GALNT15: variants seen among roughly 807,000 people sequenced by gnomAD.
GALNT15 encodes UDP-GalNAc transferase T15.
A neutral mutation model predicts 66.8 loss-of-function variants in GALNT15; 67 were observed. That is an observed-to-expected ratio of 1.00 (90% confidence interval 0.82 to 1.23). The LOEUF (loss-of-function observed/expected upper bound fraction) is 1.23. GALNT15 is among the 50% of genes most tolerant of loss of function. GALNT15 has a pLI of 0.00. For missense variants in GALNT15, 827 were observed against 804.3 expected (o/e 1.03, Z -0.34); for synonymous variants, 313 against 311.5 (o/e 1.00, Z -0.05).
In GALNT15 at chr3:16,200,698, TGCCATCAGGGCCCGGATGCTGGGG is replaced by T. The variant is rs761198489; in HGVS notation, c.791_814del (p.Ile264_Ala271del). 38 of 1,610,530 alleles carry T rather than the reference TGCCATCAGGGCCCGGATGCTGGGG, an allele frequency of 2.4e-5. No homozygotes were observed. Among genetic ancestry groups the T allele is most frequent in the Non-Finnish European group, 3.1e-5 (37 of 1,178,520 alleles). The stretch of plus-strand genomic sequence containing the variant: ...TACTCAGGAGCAACAAGAGGCTGGG[TGCCATCAGGGCCCGGATGCTGGGG>T]GCCACCAGAGCCACCGGGGATGTGC... On this transcript the variant is annotated inframe_deletion, in exon 3 of 10. Transcript: ENST00000339732. This position sits in a 1 kb window ranked among gnomAD's most constrained non-coding sequence, Gnocchi z 4.4.
the GALNT15 span, chr3:16,243,907 T>A: frequency 0.55 from 376,834 of 681,638 alleles, 105,961 homozygotes; most frequent in African/African-American, 0.78. Flanking sequence ...CAGCCACAGA[T>A]TGACCTTGTC....
At chr3:16,213,345 C>T (rs748169365) in intron 6 of GALNT15, among the ~76,000 whole-genome samples, 12 of 146,196 alleles carry the variant, frequency 8.2e-5, no homozygotes, top group Non-Finnish European at 1.2e-4. Flanking sequence ...GTCCCTGCTA[C>T]TCGGGAGGCT....
Position 16,208,499 on chromosome 3 carries a change from C to T in GALNT15, c.912-4C>T. 1 of 1,613,562 alleles carries T rather than the reference C, an allele frequency of 6.2e-7. No homozygotes were observed. Among genetic ancestry groups the T allele is most frequent in the South Asian group, 1.1e-5 (1 of 90,976 alleles). ...CCCTTGTTTAATTCCACAATTCTTT[C>T]CAGGAGCCGAGTGGTATCTCCGGTG... is the stretch of plus-strand genomic sequence containing the variant. On this transcript the variant is annotated splice_polypyrimidine_tract_variant and splice_region_variant and intron_variant, in intron 3 of 9. Transcript: ENST00000339732.
At chr3:16,220,159 A>G (rs2063927921) in intron 8 of GALNT15, 145 bp downstream of exon 8, 2 of 676,718 alleles carry the variant, frequency 3.0e-6, no homozygotes, top group East Asian at 2.7e-5. Context: ...CCCCCACTGT[A>G]ATGACTCATC....
chr3:16,211,406 T>TC lies in GALNT15; in HGVS notation c.1197+168dup, dbSNP rs1485839218. 6.6e-6 allele frequency among the ~76,000 whole-genome samples: 1 copy of TC among 152,214 alleles called. No individual in the cohort carries two copies. On this transcript the variant is annotated intron_variant, in intron 5 of 9. Coordinates refer to ENST00000339732, the MANE Select transcript of GALNT15 (RefSeq NM_054110.5). This position sits in a 1 kb window ranked among gnomAD's most constrained non-coding sequence, Gnocchi z 4.3. ...GTCAAACCTCCCATTTCTCACAGTT[T>TC]CCCATCTCTCCTGTGCTGTAGCTTG...
intron 3 of GALNT15, among the ~76,000 whole-genome samples, chr3:16,207,756 T>G (rs528625993): frequency 1.3e-5 from 2 of 152,240 alleles, no homozygotes; most frequent in East Asian, 3.9e-4. Context: ...ATAAACTCTC[T>G]GACATCGTGC....
At position 16,200,811 on chromosome 3, in the gene GALNT15, T is replaced by C; in HGVS notation, c.899T>C (p.Ile300Thr). 1.2e-6 allele frequency: 2 copies of C among 1,606,936 alleles called. No individual in the cohort carries two copies. The highest frequency in any genetic ancestry group is 1.7e-6 in the Non-Finnish European group (2 of 1,177,252). Residue 300 changes from isoleucine to threonine, a missense_variant, in exon 3 of 10, where the codon ATA (isoleucine) becomes ACA (threonine). Coordinates refer to ENST00000339732, the MANE Select transcript of GALNT15 (RefSeq NM_054110.5). This position sits in a 1 kb window ranked among gnomAD's most constrained non-coding sequence, Gnocchi z 4.4. ...PGWLEPLLSR[I>T]AGDRSRVVSP... Reference sequence around the variant, plus strand: ...TGGCTGGAGCCCCTCCTCAGCAGAATAGCTGGTGACAGGTAACTTATTCCC... The same window carrying C: ...TGGCTGGAGCCCCTCCTCAGCAGAACAGCTGGTGACAGGTAACTTATTCCC...
At chr3:16,212,067 G>T (rs1165899024) in intron 5 of GALNT15, among the ~76,000 whole-genome samples, 1 of 152,190 alleles carries the variant, frequency 6.6e-6, no homozygotes, top group Non-Finnish European at 1.5e-5. Flanking sequence ...CCAGCCGTTT[G>T]GGAGTGGGAG....
At chr3:16,245,954 A>T in the GALNT15 span, among the ~76,000 whole-genome samples, 1 of 152,232 alleles carries the variant, frequency 6.6e-6, no homozygotes, top group Admixed American at 6.5e-5. Flanking sequence ...TGTTGAATGA[A>T]TGAACAGTAG....
the GALNT15 span, among the ~76,000 whole-genome samples, chr3:16,238,446 T>G: frequency 6.6e-6 from 1 of 151,994 alleles, no homozygotes; most frequent in Non-Finnish European, 1.5e-5. The surrounding 1 kb of genome is among the most constrained non-coding windows in gnomAD (Gnocchi z 4.8). Flanking sequence ...GTTGTTACAA[T>G]ATTAACAACA....
intron 1 of GALNT15, among the ~76,000 whole-genome samples, chr3:16,177,128 T>G: frequency 6.6e-6 from 1 of 152,224 alleles, no homozygotes; most frequent in East Asian, 1.9e-4. Flanking sequence ...TTCCCTGCTA[T>G]GCTGTGAGCC....
Position 16,229,216 on chromosome 3 carries a change from T to C in GALNT15, c.*1716T>C. 1 of 985,396 alleles carries C rather than the reference T, an allele frequency of 1.0e-6. No homozygotes were observed. The highest frequency in any genetic ancestry group is 1.2e-6 in the Non-Finnish European group (1 of 829,862). The allele number at this position is 985,396 out of a possible 1,614,324, so 61.0% of individuals were successfully genotyped here. ...CATAACTACGTATTCATTGTCTACC[T>C]GCTAAGTCAAGGGTTCACTGCATTT... On this transcript the variant is annotated 3_prime_UTR_variant, in exon 10 of 10. Transcript: ENST00000339732.
chr3:16,216,546 C>T (rs1574993299), intron 6 of GALNT15, among the ~76,000 whole-genome samples: 1 of 151,040 alleles, frequency 6.6e-6, no homozygotes, highest in African/African-American at 2.4e-5. Flanking sequence ...AAGTAAAGTA[C>T]ATTTGGAACA....
intron 9 of GALNT15, among the ~76,000 whole-genome samples, chr3:16,223,881 A>G (rs2063976549): frequency 6.6e-6 from 1 of 151,942 alleles, no homozygotes; most frequent in African/African-American, 2.4e-5. Flanking sequence ...TTTAGTAGAG[A>G]CAGGGTTTTG....
chr3:16,220,126 C>T, intron 8 of GALNT15, 112 bp downstream of exon 8: 1 of 821,802 alleles, frequency 1.2e-6, no homozygotes, highest in Non-Finnish European at 2.1e-6. Flanking sequence ...TTCTGTGGTC[C>T]CATGTCCCTT....
chr3:16,221,777 C>G (rs529694425), intron 8 of GALNT15, among the ~76,000 whole-genome samples: 2 of 152,316 alleles, frequency 1.3e-5, no homozygotes, highest in African/African-American at 4.8e-5. Context: ...AAGCTTGCAT[C>G]TAATATGGGC....
rs374025048 is a variant in GALNT15 at position 16,219,888 on chromosome 3, CTG to C, written c.1525-12_1525-11del. ...TTACAGTGGAATCTGGAATTCACTC[CTG>C]TGTGTGTGTCCACTTTCAGCTCCAC... is the stretch of plus-strand genomic sequence containing the variant. On this transcript the variant is annotated intron_variant, in intron 7 of 9. Coordinates refer to ENST00000339732, the MANE Select transcript of GALNT15 (RefSeq NM_054110.5). This position sits in a 1 kb window ranked among gnomAD's most constrained non-coding sequence, Gnocchi z 4.3. The C allele has an allele frequency of 2.0e-5, 32 of 1,583,394 alleles. No individual in the cohort carries two copies. Among genetic ancestry groups the C allele is most frequent in the Non-Finnish European group, 2.5e-5 (29 of 1,152,610 alleles).
At chr3:16,177,900 G>A (rs1249671444) in intron 1 of GALNT15, among the ~76,000 whole-genome samples, 1 of 152,154 alleles carries the variant, frequency 6.6e-6, no homozygotes, top group Non-Finnish European at 1.5e-5. Context: ...TGGATATGTT[G>A]TATGTGGCAC....
intron 1 of GALNT15, among the ~76,000 whole-genome samples, chr3:16,194,968 G>A (rs1214445357): frequency 2.6e-5 from 4 of 152,202 alleles, no homozygotes; most frequent in African/African-American, 7.2e-5. Context: ...TCCTGCACAT[G>A]TATCCTGGAA....
Sources: allele counts gnomAD v4.1 joint callset (sites outside exome capture counted in the v4.1 genomes callset), GRCh38; gene constraint gnomAD v4.1.1; non-coding constraint Gnocchi (gnomAD v3.1); transcripts MANE v1.5; gene names NCBI Gene and HGNC (gene_info 2026-07-23, HGNC 2026-07-21).